Variants in KMT2C observed in about 807,000 individuals in gnomAD.
KMT2C encodes histone-lysine N-methyltransferase 2C.
Under a neutral mutation model 507.9 loss-of-function variants are expected in KMT2C, and 88 were observed. The ratio of observed to expected loss-of-function variants is 0.17; its 90% confidence interval spans 0.15 to 0.21. The LOEUF is 0.21. Ranked by LOEUF, KMT2C falls within the 10% of genes least tolerant of loss-of-function variation. The probability of loss-of-function intolerance (pLI) is 1.00; values close to 1 mark genes in which losing one functional copy is unlikely to be tolerated. For synonymous variants in KMT2C, 2,049 were observed against 2,080.8 expected, an observed-to-expected ratio of 0.98 and a Z score of 0.42; for missense variants, 4,954 against 5,957.8, an observed-to-expected ratio of 0.83 and a Z score of 5.55.
At chr7:152,209,127 C>A (rs1310412396) in intron 23 of KMT2C, among the ~76,000 whole-genome samples, 1 of 145,032 alleles carries the variant, frequency 6.9e-6, no homozygotes, top group Admixed American at 7.1e-5. Context: ...CCATTGCACT[C>A]CAGCCTGAGC....
chr7:152,195,998 G>C lies in KMT2C; in HGVS notation c.4287C>G (p.Asp1429Glu), dbSNP rs1267083370. Reference protein sequence around the residue: ...TKSGTHGPADDPLADISEVLN... With the variant: ...TKSGTHGPADEPLADISEVLN... ...AAACTTCAGAAATATCAGCTAATGG[G>C]TCATCAGCAGGACCTAAATATAGTA... is the stretch of plus-strand genomic sequence containing the variant. The change falls in exon 28 of 59, where the codon GAC (aspartate) becomes GAG (glutamate). Residue 1429 changes from aspartate (D) to glutamate (E), a missense_variant. Coordinates refer to ENST00000262189, the MANE Select transcript of KMT2C (RefSeq NM_170606.3). 1 of 1,587,210 alleles carries C rather than the reference G, an allele frequency of 6.3e-7. No individual in the cohort carries two copies. The highest frequency in any genetic ancestry group is 8.6e-7 in the Non-Finnish European group (1 of 1,159,378).
intron 1 of KMT2C, among the ~76,000 whole-genome samples, chr7:152,372,659 G>A (rs2097301121): frequency 6.6e-6 from 1 of 152,176 alleles, no homozygotes; most frequent in Admixed American, 6.5e-5. Context: ...AATTCATCAG[G>A]AGAATGTAAC....
At chr7:152,353,729 G>A (rs1160023489) in intron 2 of KMT2C, among the ~76,000 whole-genome samples, 1 of 152,052 alleles carries the variant, frequency 6.6e-6, no homozygotes, top group East Asian at 1.9e-4. Context: ...CAACTCCTGA[G>A]CTCAAGCAAT....
chr7:152,398,375 A>G (rs1396047058), intron 1 of KMT2C, among the ~76,000 whole-genome samples: 5 of 152,198 alleles, frequency 3.3e-5, no homozygotes, highest in Non-Finnish European at 5.9e-5. Flanking sequence ...GATCAACCAC[A>G]AAGTGACAAA....
At chr7:152,370,057 G>A (rs1351988458) in intron 1 of KMT2C, among the ~76,000 whole-genome samples, 2 of 152,070 alleles carry the variant, frequency 1.3e-5, no homozygotes, top group Non-Finnish European at 2.9e-5. Context: ...AGCTGGGCGT[G>A]GTAGTGGGCA....
chr7:152,411,796 A>ATTATT, intron 1 of KMT2C, among the ~76,000 whole-genome samples: 4 of 152,304 alleles, frequency 2.6e-5, no homozygotes, highest in African/African-American at 9.6e-5. Flanking sequence ...TCTTTAAATA[A>ATTATT]TAAAAGGGAA....
At chr7:152,215,881 A>G (rs375881668) in intron 23 of KMT2C, among the ~76,000 whole-genome samples, 1 of 152,098 alleles carries the variant, frequency 6.6e-6, no homozygotes, top group Non-Finnish European at 1.5e-5. Flanking sequence ...ATTATTTTCC[A>G]ATTTTAAATC....
chr7:152,434,708 C>A (rs2097899514), intron 1 of KMT2C, among the ~76,000 whole-genome samples: 1 of 152,196 alleles, frequency 6.6e-6, no homozygotes, highest in Admixed American at 6.5e-5. Context: ...AAAACGGTGT[C>A]TTAATTTACA....
intron 6 of KMT2C, among the ~76,000 whole-genome samples, chr7:152,307,617 G>A (rs2096633558): frequency 6.6e-6 from 1 of 152,172 alleles, no homozygotes; most frequent in Admixed American, 6.5e-5. Context: ...AAAGTCGGAA[G>A]GGATGCAATG....
Position 152,367,696 on chromosome 7 carries a change from G to C in KMT2C, c.162-9021C>G, listed in dbSNP as rs2097258667. On this transcript the variant is annotated intron_variant, in intron 1 of 58. Coordinates refer to ENST00000262189, the MANE Select transcript of KMT2C (RefSeq NM_170606.3). ...CTGCTCACAATAGCTGACACCCCAGGATTTGGAGATGTAGTGGATAATAGT... is the reference window on the plus strand; with the variant it reads ...CTGCTCACAATAGCTGACACCCCAGCATTTGGAGATGTAGTGGATAATAGT... 5 of 1,364,182 alleles carry C rather than the reference G, an allele frequency of 3.7e-6. No homozygotes were observed. In the South Asian group the frequency reaches 4.7e-5, roughly 13 times the overall value. The allele number at this position is 1,364,182 out of a possible 1,614,324, so 84.5% of individuals were successfully genotyped here. A position where few individuals can be genotyped will look rare whatever the true frequency, so the allele number is the denominator to read the frequency against.
At chr7:152,193,879 G>A (rs548950763) in intron 31 of KMT2C, 130 bp downstream of exon 31, 4 of 697,452 alleles carry the variant, frequency 5.7e-6, no homozygotes, top group Non-Finnish European at 8.6e-6. Context: ...TTACAAAAGG[G>A]TTTTTCTCCC....
intron 27 of KMT2C, 23 bp downstream of exon 27, chr7:152,199,256 T>C: frequency 6.5e-7 from 1 of 1,545,702 alleles, no homozygotes; most frequent in Non-Finnish European, 8.7e-7. Context: ...ATAAAGAAAA[T>C]ATCTGTGAAT....
chr7:152,424,296 T>G (rs974420418), intron 1 of KMT2C, among the ~76,000 whole-genome samples: 1 of 152,110 alleles, frequency 6.6e-6, no homozygotes, highest in Non-Finnish European at 1.5e-5. Context: ...CTCTTTGTTC[T>G]TAGCGTCCCT....
intron 2 of KMT2C, among the ~76,000 whole-genome samples, chr7:152,335,831 T>G (rs981830524): frequency 2.6e-5 from 4 of 152,212 alleles, no homozygotes; most frequent in Admixed American, 2.6e-4. Flanking sequence ...GGTTGGCCAG[T>G]AGGTTTGCAG....
In KMT2C at chr7:152,163,202, G is replaced by T. The variant is rs1050212070; in HGVS notation, c.10375C>A (p.Pro3459Thr). 1 of 1,614,164 alleles carries T rather than the reference G, an allele frequency of 6.2e-7. No homozygotes were observed. The highest frequency in any genetic ancestry group is 1.1e-5 in the South Asian group (1 of 91,074). ...CCTAGAGGTTGCATAAAATCACAAG[G>T]TAAGTCGGAACTGTAGAAGGGAATC... ...SQIPFYSSDL[P>T]CDFMQPLGPL... The change falls in exon 43 of 59, where the codon CCT becomes ACT. Residue 3459 changes from proline (P) to threonine (T), a missense_variant. Physicochemically the swap from Pro to Thr is conservative, Grantham distance 38 (BLOSUM62 -1). Coordinates refer to ENST00000262189, the MANE Select transcript of KMT2C (RefSeq NM_170606.3).
At chr7:152,228,869 C>T (rs780309567) in intron 18 of KMT2C, among the ~76,000 whole-genome samples, 3 of 152,066 alleles carry the variant, frequency 2.0e-5, no homozygotes, top group Non-Finnish European at 4.4e-5. Flanking sequence ...ATACCATGAG[C>T]AACTAATTTT....
chr7:152,138,624 T>C lies in KMT2C; in HGVS notation c.14643+172A>G, dbSNP rs1331779390. On this transcript the variant is annotated intron_variant, in intron 58 of 58. Coordinates refer to ENST00000262189, the MANE Select transcript of KMT2C (RefSeq NM_170606.3). This position sits in a 1 kb window ranked among gnomAD's most constrained non-coding sequence, Gnocchi z 4.2. ...AGCTGCCATGTGGAGGAAGGTGAAC[T>C]GGAGTGCCTGAAGGGTGAGATACTG... The C allele has an allele frequency of 3.8e-6, 2 of 524,394 alleles. No homozygotes were observed. Among genetic ancestry groups the C allele is most frequent in the African/African-American group, 4.0e-5 (2 of 50,324 alleles). 32.5% of individuals were successfully genotyped at this position (524,394 alleles called of 1,614,324 possible). A position where few individuals can be genotyped will look rare whatever the true frequency, so the allele number is the denominator to read the frequency against.
At position 152,265,797 on chromosome 7, in the gene KMT2C, AAC is replaced by A. The variant is rs200633771; in HGVS notation, c.1013-590_1013-589del. Among the ~76,000 whole-genome samples the A allele has an allele frequency of 7.9e-3, 1,202 of 152,114 alleles. 18 individuals are homozygous for A. The highest frequency in any genetic ancestry group is 0.027 in the African/African-American group (1,140 of 41,538). On this transcript the variant is annotated intron_variant, in intron 7 of 58. Coordinates refer to ENST00000262189, the MANE Select transcript of KMT2C (RefSeq NM_170606.3). Reference sequence around the variant, plus strand: ...GACAGAAGCTACATATTCATACACAAACACATTACTTAATATACTAATTATAT... The same window carrying A: ...GACAGAAGCTACATATTCATACACAAACATTACTTAATATACTAATTATAT...
chr7:152,138,724 G>C lies in KMT2C; in HGVS notation c.14643+72C>G. 1.1e-6 allele frequency: 1 copy of C among 903,438 alleles called. No individual in the cohort carries two copies. The highest frequency in any genetic ancestry group is 1.6e-5 in the South Asian group (1 of 62,234). The allele number at this position is 903,438 out of a possible 1,614,324, so 56.0% of individuals were successfully genotyped here. Reference sequence around the variant, plus strand: ...AGAATTGGGAAACAAGTGAGTAAGTGACCTGTGTGAGGAGGGAACTATTCG... The same window carrying C: ...AGAATTGGGAAACAAGTGAGTAAGTCACCTGTGTGAGGAGGGAACTATTCG... On this transcript the variant is annotated intron_variant, in intron 58 of 58. Coordinates refer to ENST00000262189, the MANE Select transcript of KMT2C (RefSeq NM_170606.3). The surrounding 1 kb of genome is among the most constrained non-coding windows in gnomAD (Gnocchi z 4.2).
Sources: gnomAD v4.1 joint callset for allele counts (sites outside exome capture counted in the v4.1 genomes callset) on GRCh38, gnomAD v4.1.1 for gene constraint, Gnocchi (gnomAD v3.1) non-coding constraint, MANE v1.5 for transcripts, NCBI Gene and HGNC (gene_info 2026-07-23, HGNC 2026-07-21) for gene names.